SCN8A: variants seen among roughly 807,000 people sequenced by gnomAD.
SCN8A encodes sodium voltage-gated channel alpha subunit 8.
In SCN8A, 30 loss-of-function variants were observed where a neutral mutation model predicts 184.1. That is an observed-to-expected ratio of 0.16 (90% CI 0.12 to 0.22). The LOEUF (loss-of-function observed/expected upper bound fraction) is 0.22. Among genes scored for constraint, SCN8A ranks in the 10% least tolerant of loss-of-function variants. The pLI, the probability that SCN8A is intolerant of heterozygous loss-of-function variation, is 1.00. For synonymous variants in SCN8A, 852 were observed against 907.0 expected (o/e 0.94, Z 1.09); for missense variants, 1,057 against 2,498.9 (o/e 0.42, Z 12.30).
chr12:51,753,935 G>A (rs1191724733), intron 14 of SCN8A, among the ~76,000 whole-genome samples: 1 of 152,208 alleles, frequency 6.6e-6, no homozygotes, highest in Non-Finnish European at 1.5e-5. Context: ...ACCTTGTCCT[G>A]TGGTTGGAAT....
intron 6 of SCN8A, among the ~76,000 whole-genome samples, chr12:51,691,436 T>TTA (rs59060924): frequency 0.055 from 8,178 of 149,178 alleles, 288 homozygotes; most frequent in South Asian, 0.13. Context: ...TATTTATCCT[T>TTA]TATATATATA....
intron 20 of SCN8A, among the ~76,000 whole-genome samples, chr12:51,776,079 T>A (rs1565921411): frequency 1.3e-5 from 2 of 152,218 alleles, no homozygotes; most frequent in South Asian, 4.1e-4. Flanking sequence ...AGCCTCTGCC[T>A]CCTGGGCTCA....
At chr12:51,721,121 GTTAT>G (rs1942052000) in intron 11 of SCN8A, among the ~76,000 whole-genome samples, 1 of 102,532 alleles carries the variant, frequency 9.8e-6, no homozygotes, top group African/African-American at 4.5e-5. Flanking sequence ...TTTATTTATT[GTTAT>G]ATATATAATA....
At chr12:51,651,067 G>A (rs765352299) in intron 1 of SCN8A, among the ~76,000 whole-genome samples, 1 of 152,234 alleles carries the variant, frequency 6.6e-6, no homozygotes, top group South Asian at 2.1e-4. Flanking sequence ...TCATGCTATT[G>A]TTTGTGGTTT....
intron 2 of SCN8A, among the ~76,000 whole-genome samples, chr12:51,679,721 C>CTTTTTGTT (rs1941293421): frequency 1.2e-5 from 1 of 85,510 alleles, no homozygotes; most frequent in Non-Finnish European, 2.3e-5. Context: ...ACTATCTTGC[C>CTTTTTGTT]TTTTTTTTTT....
intron 1 of SCN8A, among the ~76,000 whole-genome samples, chr12:51,635,897 G>A (rs1940305380): frequency 6.6e-6 from 1 of 152,072 alleles, no homozygotes; most frequent in Non-Finnish European, 1.5e-5. Context: ...TGACTGTATA[G>A]CTTCATAAAT....
chr12:51,769,074 G>T lies in SCN8A; in HGVS notation c.3111G>T (p.Leu1037Phe). ...EADEVKPLDELYEKKANCIAN... is the reference protein window; with the variant it reads ...EADEVKPLDEFYEKKANCIAN... ...ATGAGGTGAAGCCTCTGGATGAGTT[G>T]TATGAAAAGAAGGCCAACTGTATCG... Residue 1037 changes from leucine to phenylalanine, a missense_variant, in exon 17 of 27, where the codon TTG becomes TTT. By Grantham distance (22) the Leu-to-Phe change is conservative. Transcript: ENST00000627620. 6.2e-7 allele frequency: 1 copy of T among 1,613,952 alleles called. No homozygotes were observed.
At chr12:51,692,987 T>C (rs1325664185) in intron 6 of SCN8A, among the ~76,000 whole-genome samples, 2 of 152,232 alleles carry the variant, frequency 1.3e-5, no homozygotes, top group Non-Finnish European at 2.9e-5. Context: ...TTTAGAATTG[T>C]ACTTTCTTGA....
Position 51,806,457 on chromosome 12 carries a change from G to A in SCN8A, c.4971G>A (p.Leu1657=). The A allele has an allele frequency of 6.2e-7, 1 of 1,614,186 alleles. No homozygotes were observed. The highest frequency in any genetic ancestry group is 8.5e-7 in the Non-Finnish European group (1 of 1,180,034). Residue 1657 remains leucine (L), a synonymous_variant, in exon 27 of 27, where the codon CTG becomes CTA. Coordinates refer to ENST00000627620, the MANE Select transcript of SCN8A (RefSeq NM_001330260.2). The surrounding 1 kb of genome is among the most constrained non-coding windows in gnomAD (Gnocchi z 8.7). The stretch of plus-strand genomic sequence containing the variant: ...CTGCCCTGTTCAACATCGGCCTTCT[G>A]CTCTTCCTGGTCATGTTCATCTTCT... ...SLPALFNIGL[L]LFLVMFIFSI...
At chr12:51,604,166 G>T (rs753149187) in intron 1 of SCN8A, among the ~76,000 whole-genome samples, 2 of 152,006 alleles carry the variant, frequency 1.3e-5, no homozygotes, top group African/African-American at 2.4e-5. Flanking sequence ...TTGGTTTTCT[G>T]TTAAAAATTT....
At chr12:51,746,761 C>G (rs1315490562) in intron 13 of SCN8A, among the ~76,000 whole-genome samples, 3 of 152,174 alleles carry the variant, frequency 2.0e-5, no homozygotes, top group Non-Finnish European at 4.4e-5. Context: ...CCACAGTCCC[C>G]CTAGCAAGAA....
intron 26 of SCN8A, among the ~76,000 whole-genome samples, chr12:51,801,261 A>G (rs188603225): frequency 1.6e-4 from 25 of 152,276 alleles, no homozygotes; most frequent in Non-Finnish European, 2.4e-4. Context: ...TTGGGATCCA[A>G]TTATTCCCAT....
chr12:51,737,624 C>T (rs908035115), intron 12 of SCN8A, among the ~76,000 whole-genome samples: 5 of 152,192 alleles, frequency 3.3e-5, no homozygotes, highest in Non-Finnish European at 7.4e-5. Flanking sequence ...GTCATTTACT[C>T]AGGTCCCCAA....
intron 20 of SCN8A, among the ~76,000 whole-genome samples, chr12:51,777,213 C>G (rs1047071372): frequency 6.6e-6 from 1 of 152,026 alleles, no homozygotes; most frequent in East Asian, 1.9e-4. Flanking sequence ...GTCTTTCCCC[C>G]TTTTTTTCCA....
At chr12:51,691,833 A>T (rs974807703) in intron 6 of SCN8A, among the ~76,000 whole-genome samples, 2 of 152,190 alleles carry the variant, frequency 1.3e-5, no homozygotes, top group Admixed American at 6.5e-5. Context: ...AGTTTCCCTC[A>T]TGGGAAGTTT....
intron 20 of SCN8A, among the ~76,000 whole-genome samples, chr12:51,777,196 A>G (rs1234750279): frequency 6.6e-6 from 1 of 152,108 alleles, no homozygotes; most frequent in East Asian, 1.9e-4. Context: ...TGGAAAAATC[A>G]CCTAATGTCT....
intron 6 of SCN8A, among the ~76,000 whole-genome samples, chr12:51,692,234 A>G (rs3782475): frequency 0.098 from 14,876 of 152,166 alleles, 784 homozygotes; most frequent in South Asian, 0.15. Context: ...CTGTGTATCA[A>G]CTTCCTTTAT....
At chr12:51,592,437 C>T (rs1041123461) in intron 1 of SCN8A, among the ~76,000 whole-genome samples, 5 of 152,034 alleles carry the variant, frequency 3.3e-5, no homozygotes, top group Admixed American at 6.5e-5. Flanking sequence ...GCATTCCATC[C>T]GACTACTCCA....
intron 19 of SCN8A, among the ~76,000 whole-genome samples, chr12:51,773,167 A>AT (rs1274854735): frequency 6.6e-6 from 1 of 151,644 alleles, no homozygotes; most frequent in Non-Finnish European, 1.5e-5. Context: ...ATGTGCCTCC[A>AT]TTTTGGAAGG....
Sources: allele counts gnomAD v4.1 joint callset (sites outside exome capture counted in the v4.1 genomes callset), GRCh38; gene constraint gnomAD v4.1.1; non-coding constraint Gnocchi (gnomAD v3.1); transcripts MANE v1.5; gene names NCBI Gene and HGNC (gene_info 2026-07-23, HGNC 2026-07-21).